Variants in CTXN2 observed in about 807,000 individuals in gnomAD.
The protein encoded by CTXN2 is cortexin 2, also known as cortexin-2.
CTXN2 carries 3 observed loss-of-function variants against 5.7 expected under a neutral mutation model. The observed-to-expected ratio is 0.53, with a 90% CI of 0.24 to 1.36. CTXN2 has a LOEUF of 1.36. Ranked by LOEUF, CTXN2 falls within the 40% of genes most tolerant of loss-of-function variation. The probability of loss-of-function intolerance (pLI) is 0.17; values close to 1 mark genes in which losing one functional copy is unlikely to be tolerated. For synonymous variants in CTXN2, 38 were observed against 36.4 expected, an observed-to-expected ratio of 1.04 and a Z score of -0.16; for missense variants, 87 against 93.0, an observed-to-expected ratio of 0.94 and a Z score of 0.26.
upstream of CTXN2, chr15:48,190,840 T>G (rs1485273804): frequency 2.0e-5 from 3 of 152,266 alleles, no homozygotes; most frequent in Admixed American, 6.5e-5. Context: ...TGTTGTTGTT[T>G]TTTTGTTTTC....
chr15:48,180,820 GTTTT>G (rs995788499), intron 1 of CTXN2, among the ~76,000 whole-genome samples: 1 of 152,112 alleles, frequency 6.6e-6, no homozygotes, highest in Non-Finnish European at 1.5e-5. Context: ...TTGGTTTTTT[GTTTT>G]TTGTTTGTTT....
chr15:48,181,701 T>A (rs565290007), intron 1 of CTXN2, among the ~76,000 whole-genome samples: 20 of 152,274 alleles, frequency 1.3e-4, no homozygotes, highest in African/African-American at 4.6e-4. Flanking sequence ...GTGCTGATAT[T>A]CTAGCCCTAG....
rs149639137 is a variant in CTXN2 at position 48,184,475 on chromosome 15, C to T, written c.-455+6075C>T. Among the ~76,000 whole-genome samples, 154 of 152,162 alleles carry T rather than the reference C, an allele frequency of 1.0e-3. 1 individual carries two copies. Among genetic ancestry groups the T allele is most frequent in the East Asian group, 3.9e-3 (20 of 5,188 alleles). On this transcript the variant is annotated intron_variant, in intron 1 of 2. Transcript: ENST00000644354. ...AGACTGGAATAAAATCTTTTCAAAA[C>T]GCATATCTAATAAAGAACTTATATC...
intron 1 of CTXN2, among the ~76,000 whole-genome samples, chr15:48,185,401 A>G (rs1217642470): frequency 6.6e-6 from 1 of 152,156 alleles, no homozygotes; most frequent in Non-Finnish European, 1.5e-5. Context: ...GATATATGGG[A>G]ACTTTCTGTA....
chr15:48,200,685 T>C (rs1309570795), intron 1 of CTXN2, among the ~76,000 whole-genome samples: 1 of 152,090 alleles, frequency 6.6e-6, no homozygotes, highest in Non-Finnish European at 1.5e-5. Flanking sequence ...ATTGACACAG[T>C]GTATCCAGTG....
At chr15:48,193,302 G>C (rs1468272950) in intron 1 of CTXN2, among the ~76,000 whole-genome samples, 1 of 151,970 alleles carries the variant, frequency 6.6e-6, no homozygotes, top group Non-Finnish European at 1.5e-5. Flanking sequence ...TTTATCATTT[G>C]CATCAGTAGT....
chr15:48,183,871 A>G (rs2040723527), intron 1 of CTXN2, among the ~76,000 whole-genome samples: 1 of 152,204 alleles, frequency 6.6e-6, no homozygotes. Flanking sequence ...CATGTACTTC[A>G]AACCAGATTT....
At chr15:48,186,756 A>G (rs1170353966), upstream of CTXN2, among the ~76,000 whole-genome samples, 1 of 151,932 alleles carries the variant, frequency 6.6e-6, no homozygotes, top group Admixed American at 6.6e-5. Context: ...AAAAAAAAAT[A>G]AAAATTAGCC....
At chr15:48,199,550 C>G (rs2040911168) in intron 1 of CTXN2, among the ~76,000 whole-genome samples, 1 of 152,170 alleles carries the variant, frequency 6.6e-6, no homozygotes, top group African/African-American at 2.4e-5. Flanking sequence ...TATTCAGTTT[C>G]TCCTTCCATT....
chr15:48,201,168 G>A (rs1021224701), intron 1 of CTXN2, 76 bp from the exon 2 acceptor site: 21 of 863,118 alleles, frequency 2.4e-5, no homozygotes, highest in Admixed American at 2.0e-4. Context: ...TTTGAAAAAC[G>A]TCAGATTTTA....
intron 1 of CTXN2, among the ~76,000 whole-genome samples, chr15:48,186,619 G>A (rs898726243): frequency 9.2e-5 from 14 of 152,106 alleles, no homozygotes; most frequent in African/African-American, 3.4e-4. Flanking sequence ...TGTAGGAGTT[G>A]GCCAGGCGCG....
chr15:48,201,329 C>T lies in CTXN2; in HGVS notation c.29C>T (p.Ser10Leu). 6.4e-7 allele frequency: 1 copy of T among 1,551,296 alleles called. No individual in the cohort carries two copies. Among genetic ancestry groups the T allele is most frequent in the Non-Finnish European group, 8.7e-7 (1 of 1,146,672 alleles). The change falls in exon 2 of 2, where the codon TCA becomes TTA. Residue 10 changes from serine (S) to leucine (L), a missense_variant. Transcript: ENST00000417307. Reference protein sequence around the residue: MSSTYCGNSSAKMSVNEVSA... With the variant: MSSTYCGNSLAKMSVNEVSA... Reference sequence around the variant, plus strand: ...AGTAGTACCTACTGTGGCAACTCTTCAGCTAAGATGAGTGTCAACGAAGTA... The same window carrying T: ...AGTAGTACCTACTGTGGCAACTCTTTAGCTAAGATGAGTGTCAACGAAGTA...
chr15:48,198,820 CTAAA>C (rs2040903139), intron 1 of CTXN2, among the ~76,000 whole-genome samples: 1 of 152,096 alleles, frequency 6.6e-6, no homozygotes, highest in South Asian at 2.1e-4. Flanking sequence ...TTCAAAACAC[CTAAA>C]TAAATTTAGC....
intron 1 of CTXN2, among the ~76,000 whole-genome samples, chr15:48,184,893 C>T (rs906253789): frequency 2.6e-5 from 4 of 151,932 alleles, no homozygotes; most frequent in Admixed American, 6.6e-5. Context: ...TGGAAGTAAC[C>T]GAGATATCTT....
At chr15:48,189,381 C>T (rs1417962689), upstream of CTXN2, 2 of 152,190 alleles carry the variant, frequency 1.3e-5, no homozygotes, top group African/African-American at 4.8e-5. Flanking sequence ...TGGGCATTTA[C>T]CATGGAGCCA....
chr15:48,195,842 T>C (rs1240413775), intron 1 of CTXN2, among the ~76,000 whole-genome samples: 1 of 152,276 alleles, frequency 6.6e-6, no homozygotes, highest in East Asian at 1.9e-4. Flanking sequence ...CAGTAGATTT[T>C]AAATACAAGT....
At chr15:48,198,712 A>T (rs780263608) in intron 1 of CTXN2, among the ~76,000 whole-genome samples, 7 of 152,188 alleles carry the variant, frequency 4.6e-5, no homozygotes, top group Non-Finnish European at 8.8e-5. Flanking sequence ...TTTTAAGAAA[A>T]ATAAGAGCGT....
intron 1 of CTXN2, among the ~76,000 whole-genome samples, chr15:48,193,096 C>T (rs2040840028): frequency 6.6e-6 from 1 of 152,038 alleles, no homozygotes; most frequent in East Asian, 1.9e-4. Context: ...TTACTAGTTG[C>T]CAATTACAAA....
chr15:48,182,586 T>G (rs2040708912), intron 1 of CTXN2, among the ~76,000 whole-genome samples: 1 of 152,238 alleles, frequency 6.6e-6, no homozygotes, highest in African/African-American at 2.4e-5. Flanking sequence ...TTACTATGTT[T>G]CAATTCACAA....
Sources: gnomAD v4.1 joint callset for allele counts (sites outside exome capture counted in the v4.1 genomes callset) on GRCh38, gnomAD v4.1.1 for gene constraint, MANE v1.5 for transcripts, NCBI Gene and HGNC (gene_info 2026-07-23, HGNC 2026-07-21) for gene names.